Variants in ZNF638 observed in about 807,000 individuals in gnomAD.
ZNF638 encodes the protein CTCL tumor antigen se33-1.
A neutral mutation model predicts 195.6 loss-of-function variants in ZNF638; 46 were observed. That is an observed-to-expected ratio of 0.24 (90% CI 0.19 to 0.30). The LOEUF is 0.30. Ranked by LOEUF, ZNF638 falls within the 10% of genes least tolerant of loss-of-function variation. The probability of loss-of-function intolerance (pLI) is 1.00; values close to 1 mark genes in which losing one functional copy is unlikely to be tolerated. For synonymous variants in ZNF638, 845 were observed against 772.0 expected (o/e 1.09, Z -1.57); for missense variants, 2,440 against 2,325.3 (o/e 1.05, Z -1.01).
intron 26 of ZNF638, among the ~76,000 whole-genome samples, chr2:71,431,741 C>T (rs187462332): frequency 0.014 from 2,083 of 144,270 alleles, 20 homozygotes; most frequent in Non-Finnish European, 0.024. Flanking sequence ...GCCTGGGCGA[C>T]AGAGTGAGAC....
chr2:71,395,159 T>C, intron 10 of ZNF638: 1 of 692,912 alleles, frequency 1.4e-6, no homozygotes, highest in Non-Finnish European at 2.7e-6. Flanking sequence ...TGCAAGAACA[T>C]CTCTCCTGGA....
At chr2:71,384,690 T>G (rs1463115236) in intron 10 of ZNF638, among the ~76,000 whole-genome samples, 1 of 152,214 alleles carries the variant, frequency 6.6e-6, no homozygotes, top group Non-Finnish European at 1.5e-5. Flanking sequence ...ATCGAATGAT[T>G]TTTTTCTCTT....
chr2:71,365,633 C>T lies in ZNF638; in HGVS notation c.1922C>T (p.Ser641Leu). 1 of 1,614,066 alleles carries T rather than the reference C, an allele frequency of 6.2e-7. No homozygotes were observed. The highest frequency in any genetic ancestry group is 1.1e-5 in the South Asian group (1 of 91,064). Residue 641 changes from serine to leucine, a missense_variant, in exon 6 of 28, where the codon TCA becomes TTA. Physicochemically the swap from Ser to Leu is moderately radical, Grantham distance 145. Coordinates refer to ENST00000264447, the MANE Select transcript of ZNF638 (RefSeq NM_014497.5). ...GGAGGACATTCTATTCGTTGTAAAT[C>T]AAAGAATCTTGAAGATGACACTTTG... The part of the protein sequence containing the change: ...NLGGHSIRCK[S>L]KNLEDDTLSE...
intron 16 of ZNF638, 112 bp downstream of exon 16, chr2:71,402,199 C>T (rs758144453): frequency 2.2e-4 from 253 of 1,124,962 alleles, no homozygotes; most frequent in Non-Finnish European, 3.0e-4. Flanking sequence ...TCAAAGTAAA[C>T]TTTCAAGCTA....
chr2:71,388,397 G>C lies in ZNF638; in HGVS notation c.2378-7744G>C, dbSNP rs1356635701. On this transcript the variant is annotated intron_variant, in intron 10 of 27. Coordinates refer to ENST00000264447, the MANE Select transcript of ZNF638 (RefSeq NM_014497.5). ...TCCGACCTTTGATCATCTGACCTTT[G>C]ATCATCCGCGTGCAGGACTGCTCCC... is the stretch of plus-strand genomic sequence containing the variant. The C allele has an allele frequency of 9.2e-6, 6 of 653,832 alleles. No homozygotes were observed. In the East Asian group the frequency reaches 1.8e-4, roughly 20 times the overall value. The allele number at this position is 653,832 out of a possible 1,614,324, so 40.5% of individuals were successfully genotyped here.
chr2:71,332,951 A>G (rs1324187360), intron 1 of ZNF638: 2 of 152,200 alleles, frequency 1.3e-5, no homozygotes, highest in Admixed American at 6.5e-5. Context: ...GGAATTTTGC[A>G]CAAAAAATTT....
chr2:71,405,702 C>T, intron 18 of ZNF638, 60 bp downstream of exon 18: 2 of 1,232,100 alleles, frequency 1.6e-6, no homozygotes, highest in Non-Finnish European at 2.3e-6. Flanking sequence ...CATTGTTTTA[C>T]TTGTTTGCCT....
chr2:71,353,605 A>G (rs1461429524), intron 2 of ZNF638, among the ~76,000 whole-genome samples: 1 of 152,174 alleles, frequency 6.6e-6, no homozygotes, highest in Non-Finnish European at 1.5e-5. Context: ...AAGCAAGCCT[A>G]AGAATGTGTG....
chr2:71,363,638 A>G (rs1333201499), intron 4 of ZNF638, among the ~76,000 whole-genome samples: 1 of 152,250 alleles, frequency 6.6e-6, no homozygotes, highest in Non-Finnish European at 1.5e-5. Flanking sequence ...TCTTTACATA[A>G]TTTAATACTT....
Position 71,348,630 on chromosome 2 carries a change from A to G in ZNF638, c.-202-123A>G. On this transcript the variant is annotated intron_variant, in intron 1 of 27. Transcript: ENST00000264447. Reference sequence around the variant, plus strand: ...TAAATCTTCGTAAGCCCTTACTCTAAAAGTATATGAAATGCAGAATGGTTT... The same window carrying G: ...TAAATCTTCGTAAGCCCTTACTCTAGAAGTATATGAAATGCAGAATGGTTT... 3.2e-6 allele frequency: 4 copies of G among 1,247,212 alleles called. No individual in the cohort carries two copies. In the South Asian group the frequency reaches 4.7e-5, roughly 15 times the overall value. The allele number at this position is 1,247,212 out of a possible 1,614,324, so 77.3% of individuals were successfully genotyped here.
intron 2 of ZNF638, among the ~76,000 whole-genome samples, chr2:71,352,521 G>A (rs928576136): frequency 1.7e-4 from 26 of 150,924 alleles, no homozygotes; most frequent in Admixed American, 1.7e-3. Context: ...GAAGAGGAGG[G>A]TTGGCGGCAA....
intron 1 of ZNF638, among the ~76,000 whole-genome samples, chr2:71,347,857 C>T (rs983425047): frequency 3.9e-5 from 6 of 152,182 alleles, no homozygotes; most frequent in African/African-American, 1.4e-4. Context: ...GACCAGATAA[C>T]CTTGAATACA....
chr2:71,384,213 A>T (rs2079591832), intron 10 of ZNF638, among the ~76,000 whole-genome samples: 1 of 152,088 alleles, frequency 6.6e-6, no homozygotes, highest in Admixed American at 6.6e-5. Context: ...TTTAATTCAG[A>T]CCTGTCGTCT....
chr2:71,347,557 C>G (rs1045286559), intron 1 of ZNF638, among the ~76,000 whole-genome samples: 6 of 152,162 alleles, frequency 3.9e-5, no homozygotes, highest in Non-Finnish European at 7.3e-5. Context: ...GTAGATGCCT[C>G]AAGACCTCAC....
intron 1 of ZNF638, among the ~76,000 whole-genome samples, chr2:71,345,880 T>C (rs1300095123): frequency 6.6e-6 from 1 of 152,196 alleles, no homozygotes; most frequent in African/African-American, 2.4e-5. Flanking sequence ...CTTCAAACTT[T>C]CTTGGCCAGG....
intron 10 of ZNF638, chr2:71,393,405 A>G (rs2079826946): frequency 1.4e-6 from 1 of 718,634 alleles, no homozygotes. Flanking sequence ...CCCTCTTTGG[A>G]TTCCAGTACG....
chr2:71,344,145 A>G (rs757313917), intron 1 of ZNF638, among the ~76,000 whole-genome samples: 2 of 152,258 alleles, frequency 1.3e-5, no homozygotes, highest in Non-Finnish European at 2.9e-5. Flanking sequence ...AAATAAAAAT[A>G]AAATAACAGC....
chr2:71,362,819 A>G (rs1416220942), intron 3 of ZNF638, among the ~76,000 whole-genome samples: 4 of 152,218 alleles, frequency 2.6e-5, no homozygotes, highest in Admixed American at 1.3e-4. Context: ...GGAATATGAT[A>G]GGAGTGGTGT....
chr2:71,361,697 TAAG>T (rs1227724077), intron 3 of ZNF638: 3 of 152,246 alleles, frequency 2.0e-5, no homozygotes, highest in Non-Finnish European at 4.4e-5. Context: ...ATTCTCAAAG[TAAG>T]AAGAATGAGG....
Sources: allele counts gnomAD v4.1 joint callset (sites outside exome capture counted in the v4.1 genomes callset), GRCh38; gene constraint gnomAD v4.1.1; transcripts MANE v1.5; gene names NCBI Gene and HGNC (gene_info 2026-07-23, HGNC 2026-07-21).